ASIC2: variants seen among roughly 807,000 people sequenced by gnomAD.
ASIC2 encodes acid-sensing ion channel 2.
Under a neutral mutation model 57.3 loss-of-function variants are expected in ASIC2, and 25 were observed. The ratio of observed to expected loss-of-function variants is 0.44; its 90% CI spans 0.32 to 0.61. The LOEUF is 0.61. Among genes scored for constraint, ASIC2 ranks in the 20% least tolerant of loss-of-function variants. The pLI is 0.06. For missense variants in ASIC2, 641 were observed against 738.1 expected, an observed-to-expected ratio of 0.87 and a Z score of 1.52; for synonymous variants, 319 against 307.5, an observed-to-expected ratio of 1.04 and a Z score of -0.39.
intron 2 of ASIC2, among the ~76,000 whole-genome samples, chr17:33,097,483 G>A (rs1311189460): frequency 6.6e-6 from 1 of 152,212 alleles, no homozygotes; most frequent in Non-Finnish European, 1.5e-5. Context: ...GAGACCCCTT[G>A]ACGATTTAGC....
intron 1 of ASIC2, among the ~76,000 whole-genome samples, chr17:33,768,871 C>G (rs1255038835): frequency 6.6e-6 from 1 of 152,132 alleles, no homozygotes; most frequent in East Asian, 1.9e-4. Context: ...GAAGAGACCT[C>G]CTGACTTTGG....
intron 1 of ASIC2, among the ~76,000 whole-genome samples, chr17:33,686,880 G>A (rs1301707969): frequency 1.3e-5 from 2 of 152,116 alleles, no homozygotes; most frequent in African/African-American, 4.8e-5. Context: ...GGACAGGACT[G>A]GGGTGATACC....
intron 1 of ASIC2, among the ~76,000 whole-genome samples, chr17:33,154,251 A>G (rs1904911268): frequency 6.6e-6 from 1 of 152,206 alleles, no homozygotes; most frequent in South Asian, 2.1e-4. Context: ...AGGTGTGATC[A>G]TAGCTTACTG....
At chr17:33,712,504 G>A (rs889973536) in intron 1 of ASIC2, among the ~76,000 whole-genome samples, 7 of 152,216 alleles carry the variant, frequency 4.6e-5, no homozygotes, top group African/African-American at 1.7e-4. Context: ...TAAAGAATTC[G>A]GGCCTGATTT....
At chr17:33,840,787 T>C (rs566106047) in intron 1 of ASIC2, among the ~76,000 whole-genome samples, 2 of 99,474 alleles carry the variant, frequency 2.0e-5, no homozygotes, top group East Asian at 7.6e-4. Context: ...TTCCTTTAGG[T>C]ACCTGGACAC....
At chr17:33,313,741 T>C (rs1182384122) in intron 1 of ASIC2, among the ~76,000 whole-genome samples, 2 of 152,138 alleles carry the variant, frequency 1.3e-5, no homozygotes, top group South Asian at 2.1e-4. Context: ...TACTTGCCCA[T>C]TACACATGCC....
chr17:33,365,851 T>C (rs1908789197), intron 1 of ASIC2, among the ~76,000 whole-genome samples: 2 of 152,184 alleles, frequency 1.3e-5, no homozygotes, highest in South Asian at 4.1e-4. Context: ...TTATTTAAAG[T>C]TTAATTATAG....
chr17:33,625,135 C>A (rs1010310765), intron 1 of ASIC2, among the ~76,000 whole-genome samples: 8 of 146,720 alleles, frequency 5.5e-5, no homozygotes, highest in Admixed American at 1.4e-4. Context: ...CTCTGTCTAT[C>A]TATCTATCTA....
chr17:33,589,811 A>G (rs562137883), intron 1 of ASIC2, among the ~76,000 whole-genome samples: 1 of 152,322 alleles, frequency 6.6e-6, no homozygotes, highest in East Asian at 1.9e-4. Flanking sequence ...TTTGGCTACT[A>G]TGAACACAGC....
At chr17:33,423,834 C>A (rs1317430560) in intron 1 of ASIC2, among the ~76,000 whole-genome samples, 1 of 152,220 alleles carries the variant, frequency 6.6e-6, no homozygotes, top group Admixed American at 6.5e-5. Context: ...TGTGGAAAAC[C>A]AGGCAGGGCA....
At position 33,868,195 on chromosome 17, in the gene ASIC2, ATG is replaced by A. The variant is rs3071204; in HGVS notation, c.555+287781_555+287782del. Reference sequence around the variant, plus strand: ...TCAACAAATGTATGTGTGTGTGTGTATGTGTGTGTGTGTGTGTGTGTGTGAAG... The same window carrying A: ...TCAACAAATGTATGTGTGTGTGTGTATGTGTGTGTGTGTGTGTGTGTGAAG... On this transcript the variant is annotated intron_variant, in intron 1 of 9. Transcript: ENST00000359872. Among the ~76,000 whole-genome samples the A allele has an allele frequency of 3.2e-3, 447 of 139,960 alleles. 14 individuals carry two copies. In the East Asian group the frequency reaches 0.064, roughly 20 times the overall value. 91.8% of individuals were successfully genotyped at this position (139,960 alleles called of 152,430 possible). A position where few individuals can be genotyped will look rare whatever the true frequency, so the allele number is the denominator to read the frequency against.
chr17:34,017,160 T>A (rs1331471882), intron 1 of ASIC2, among the ~76,000 whole-genome samples: 9 of 152,238 alleles, frequency 5.9e-5, no homozygotes, highest in Non-Finnish European at 2.9e-5. Context: ...TGTTTCTGTC[T>A]CACATTTTGG....
At chr17:33,983,508 ACAGT>A (rs1024600022) in intron 1 of ASIC2, among the ~76,000 whole-genome samples, 3 of 152,120 alleles carry the variant, frequency 2.0e-5, no homozygotes, top group African/African-American at 7.2e-5. Flanking sequence ...AGCCAGAAAA[ACAGT>A]CAGAGAGCAG....
chr17:33,362,501 A>G (rs1597699439), intron 1 of ASIC2, among the ~76,000 whole-genome samples: 1 of 152,334 alleles, frequency 6.6e-6, no homozygotes, highest in Admixed American at 6.5e-5. Context: ...TGGGGAACAC[A>G]GTGTGGGGCA....
At chr17:33,696,753 T>C (rs1908541191) in intron 1 of ASIC2, among the ~76,000 whole-genome samples, 1 of 152,208 alleles carries the variant, frequency 6.6e-6, no homozygotes, top group African/African-American at 2.4e-5. Context: ...TATGTATTTT[T>C]TATGTTACAT....
intron 1 of ASIC2, among the ~76,000 whole-genome samples, chr17:34,042,205 C>T (rs1168035387): frequency 6.6e-6 from 1 of 152,168 alleles, no homozygotes; most frequent in Non-Finnish European, 1.5e-5. Context: ...TTATATGACA[C>T]AGCCCTTTCA....
chr17:33,881,467 A>G (rs556969892), intron 1 of ASIC2, among the ~76,000 whole-genome samples: 2 of 152,318 alleles, frequency 1.3e-5, no homozygotes, highest in Admixed American at 1.3e-4. Flanking sequence ...TACACCAATA[A>G]CAGACAAACA....
At chr17:33,090,047 C>A (rs974276884) in intron 2 of ASIC2, among the ~76,000 whole-genome samples, 1 of 152,206 alleles carries the variant, frequency 6.6e-6, no homozygotes, top group Non-Finnish European at 1.5e-5. Context: ...GGACCCCAGG[C>A]TCCTTACCCA....
intron 1 of ASIC2, among the ~76,000 whole-genome samples, chr17:33,386,680 A>G (rs1909691260): frequency 6.6e-6 from 1 of 152,132 alleles, no homozygotes; most frequent in Non-Finnish European, 1.5e-5. Context: ...CCCCTGCTCT[A>G]TGGTTTTTAA....
Sources: allele counts gnomAD v4.1 joint callset (sites outside exome capture counted in the v4.1 genomes callset), GRCh38; gene constraint gnomAD v4.1.1; transcripts MANE v1.5; gene names NCBI Gene and HGNC (gene_info 2026-07-23, HGNC 2026-07-21).